TJP1: variants seen among roughly 807,000 people sequenced by gnomAD.
TJP1 encodes the protein tight junction protein ZO-1.
TJP1 carries 43 observed loss-of-function variants against 194.2 expected under a neutral mutation model. That is an observed-to-expected ratio of 0.22 (90% CI 0.17 to 0.29). TJP1 has a LOEUF of 0.29. Among genes scored for constraint, TJP1 ranks in the 10% least tolerant of loss-of-function variants. The probability of loss-of-function intolerance (pLI) is 1.00; values close to 1 mark genes in which losing one functional copy is unlikely to be tolerated. For synonymous variants in TJP1, 801 were observed against 779.0 expected, an observed-to-expected ratio of 1.03 and a Z score of -0.47; for missense variants, 1,971 against 2,185.7, an observed-to-expected ratio of 0.90 and a Z score of 1.96.
At chr15:29,931,974 G>A (rs2054730358) in intron 2 of TJP1, among the ~76,000 whole-genome samples, 3 of 152,170 alleles carry the variant, frequency 2.0e-5, no homozygotes, top group African/African-American at 7.2e-5. Context: ...TGGTGCTGGT[G>A]GGAGTGTAGT....
At chr15:29,864,063 T>C (rs1193526021) in intron 2 of TJP1, among the ~76,000 whole-genome samples, 1 of 151,942 alleles carries the variant, frequency 6.6e-6, no homozygotes, top group East Asian at 1.9e-4. Flanking sequence ...TGTCTTCAAC[T>C]GGTATCTTTC....
intron 18 of TJP1, among the ~76,000 whole-genome samples, chr15:29,721,958 C>A (rs1244576411): frequency 6.6e-6 from 1 of 152,196 alleles, no homozygotes; most frequent in African/African-American, 2.4e-5. Context: ...TTCTGAATAG[C>A]AAAGCATTCA....
intron 2 of TJP1, among the ~76,000 whole-genome samples, chr15:29,791,608 T>C (rs958581352): frequency 1.7e-4 from 25 of 148,934 alleles, no homozygotes; most frequent in African/African-American, 5.0e-4. Context: ...TTAGCCAGGA[T>C]GGTCTCGATG....
intron 19 of TJP1, 78 bp from the exon 20 acceptor site, chr15:29,720,094 T>C (rs2042836790): frequency 6.0e-6 from 9 of 1,499,282 alleles, no homozygotes; most frequent in Middle Eastern, 1.9e-4. Flanking sequence ...TAGTGATTGG[T>C]AGACATACAT....
At position 29,720,493 on chromosome 15, in the gene TJP1, C is replaced by G; in HGVS notation, c.2628G>C (p.Arg876=). 4 of 1,614,066 alleles carry G rather than the reference C, an allele frequency of 2.5e-6. No homozygotes were observed. In the South Asian group the frequency reaches 3.3e-5, roughly 13 times the overall value. ...AGTCCTCTCTTACAGGCTCAGAGGA[C>G]CGTGTAATGGCAGACTCCGGTGGAG... ...VGTPPESAIT[R]SSEPVREDSS... The change falls in exon 19 of 28, where the codon CGG becomes CGC. Residue 876 remains arginine (R), a synonymous_variant. Transcript: ENST00000614355.
chr15:29,798,036 T>A lies in TJP1; in HGVS notation c.84+2610A>T, dbSNP rs556806861. On this transcript the variant is annotated intron_variant, in intron 2 of 27. Transcript: ENST00000614355. Reference sequence around the variant, plus strand: ...TTGCCCAGGATGGAATGCAATGGCGTGATCTCGGCTCATTGCAACCTCCAT... The same window carrying A: ...TTGCCCAGGATGGAATGCAATGGCGAGATCTCGGCTCATTGCAACCTCCAT... Among the ~76,000 whole-genome samples, 8 of 152,312 alleles carry A rather than the reference T, an allele frequency of 5.3e-5. No homozygotes were observed. The East Asian group carries it at 1.4e-3, about 26-fold the overall frequency.
intron 2 of TJP1, among the ~76,000 whole-genome samples, chr15:29,786,036 ATTAG>A (rs2151768495): frequency 6.6e-6 from 1 of 152,322 alleles, no homozygotes; most frequent in Non-Finnish European, 1.5e-5. Context: ...CCTTTTCAAA[ATTAG>A]TTAGTGGTAA....
At chr15:29,848,600 G>A (rs1245927294) in intron 2 of TJP1, among the ~76,000 whole-genome samples, 3 of 152,120 alleles carry the variant, frequency 2.0e-5, no homozygotes, top group Non-Finnish European at 4.4e-5. Flanking sequence ...GGTGGCTCAC[G>A]CCTGTAATTC....
At chr15:29,758,222 C>A (rs74820052) in intron 8 of TJP1, among the ~76,000 whole-genome samples, 4 of 151,862 alleles carry the variant, frequency 2.6e-5, no homozygotes, top group African/African-American at 9.7e-5. Flanking sequence ...GACTGTGTGT[C>A]GGGGGTGAGA....
intron 16 of TJP1, 116 bp downstream of exon 16, chr15:29,727,821 T>A (rs1399258750): frequency 1.3e-6 from 1 of 746,542 alleles, no homozygotes; most frequent in African/African-American, 1.8e-5. Flanking sequence ...TTAATTTTCT[T>A]ATAGTATGTC....
rs1330336510 is a variant in TJP1 at position 29,705,585 on chromosome 15, T to G, written c.5011A>C (p.Ile1671Leu). The change falls in exon 26 of 28, where the codon ATC becomes CTC. Residue 1671 changes from isoleucine (I) to leucine (L), a missense_variant. Ile to Leu is a conservative substitution (Grantham distance 5). This residue lies in a region of TJP1 where 1,108 missense variants were observed against 1,128.5 expected (regional missense o/e 0.98). Coordinates refer to ENST00000614355, the MANE Select transcript of TJP1 (RefSeq NM_001330239.4). The stretch of plus-strand genomic sequence containing the variant: ...TTGTCCCGGCAGACCTTGAAATAGA[T>G]TTCCTGCTCAACTCCTTCGGGAATG... ...GAIPEGVEQE[I>L]YFKVCRDNSI... is the part of the protein sequence containing the mutation. 11 of 1,614,232 alleles carry G rather than the reference T, an allele frequency of 6.8e-6. No homozygotes were observed. The highest frequency in any genetic ancestry group is 8.5e-6 in the Non-Finnish European group (10 of 1,180,036).
At chr15:29,730,824 G>C in intron 15 of TJP1, 1 of 949,752 alleles carries the variant, frequency 1.1e-6, no homozygotes, top group South Asian at 1.3e-5. Context: ...TCCAAAGCCA[G>C]AGCCCAAGCC....
In TJP1 at chr15:29,822,100, A is replaced by T; in HGVS notation, c.-72T>A. 8.1e-7 allele frequency: 1 copy of T among 1,234,744 alleles called. No homozygotes were observed. The highest frequency in any genetic ancestry group is 1.0e-6 in the Non-Finnish European group (1 of 987,530). 76.5% of individuals were successfully genotyped at this position (1,234,744 alleles called of 1,614,324 possible). Reference sequence around the variant, plus strand: ...CGCGGCGCTGGCCCGCCCGCTCCTCACGCCACAGCCCAAATAAACATCTCC... The same window carrying T: ...CGCGGCGCTGGCCCGCCCGCTCCTCTCGCCACAGCCCAAATAAACATCTCC... On this transcript the variant is annotated 5_prime_UTR_variant, in exon 1 of 28. The change abolishes the stop of an existing upstream ORF in the 5' untranslated region. Transcript: ENST00000614355.
chr15:29,761,667 C>A lies in TJP1; in HGVS notation c.796G>T (p.Ala266Ser), dbSNP rs757734926. ...AGATCAGGGACATTCAATAGCGTAG[C>A]CCGTTCATCTCTTTGAACTACCATT... ...LKMVVQRDER[A>S]TLLNVPDLSD... The change falls in exon 7 of 28, where the codon GCT (alanine) becomes TCT (serine). Residue 266 changes from alanine (A) to serine (S), a missense_variant. Coordinates refer to ENST00000614355, the MANE Select transcript of TJP1 (RefSeq NM_001330239.4). The A allele has an allele frequency of 6.2e-7, 1 of 1,611,214 alleles. No homozygotes were observed. The highest frequency in any genetic ancestry group is 8.5e-7 in the Non-Finnish European group (1 of 1,177,684).
At chr15:29,949,762 CACT>C (rs1350869255) in intron 2 of TJP1, among the ~76,000 whole-genome samples, 6 of 104,584 alleles carry the variant, frequency 5.7e-5, no homozygotes, top group Non-Finnish European at 8.1e-5. Flanking sequence ...CTTTCACCAC[CACT>C]ACCTCCACCA....
At chr15:29,914,676 C>A (rs1718977) in intron 2 of TJP1, among the ~76,000 whole-genome samples, 41,258 of 151,842 alleles carry the variant, frequency 0.27, 6,057 homozygotes, top group African/African-American at 0.38. Flanking sequence ...GCTGAGAAGA[C>A]AGACCTCCGG....
chr15:29,888,269 A>T (rs1174584282), intron 2 of TJP1, among the ~76,000 whole-genome samples: 1 of 152,100 alleles, frequency 6.6e-6, no homozygotes, highest in Non-Finnish European at 1.5e-5. Context: ...GTGTATGTAC[A>T]TATATATGTG....
Position 29,701,444 on chromosome 15 carries a change from A to G in TJP1, c.*151T>C. 1 of 607,786 alleles carries G rather than the reference A, an allele frequency of 1.6e-6. No homozygotes were observed. Among genetic ancestry groups the G allele is most frequent in the Non-Finnish European group, 2.9e-6 (1 of 347,830 alleles). 37.6% of individuals were successfully genotyped at this position (607,786 alleles called of 1,614,324 possible). ...TGTTTTCCGACCATGGTTCAGGGGCATGCTCACTCATCTTTATCAGTTCAA... is the reference window on the plus strand; with the variant it reads ...TGTTTTCCGACCATGGTTCAGGGGCGTGCTCACTCATCTTTATCAGTTCAA... On this transcript the variant is annotated 3_prime_UTR_variant, in exon 28 of 28. Coordinates refer to ENST00000614355, the MANE Select transcript of TJP1 (RefSeq NM_001330239.4).
chr15:29,762,119 C>T (rs557833051), intron 6 of TJP1, among the ~76,000 whole-genome samples: 33 of 152,142 alleles, frequency 2.2e-4, no homozygotes, highest in Admixed American at 1.6e-3. Flanking sequence ...AAAGTAGTAC[C>T]GGCCTGTGAA....
Sources: allele counts gnomAD v4.1 joint callset (sites outside exome capture counted in the v4.1 genomes callset), GRCh38; gene constraint gnomAD v4.1.1; regional missense constraint gnomAD v4.1.1; transcripts MANE v1.5; gene names NCBI Gene and HGNC (gene_info 2026-07-23, HGNC 2026-07-21).